Variants in LYPLA2 observed in about 807,000 individuals in gnomAD.
The protein encoded by LYPLA2 is acyl-protein thioesterase 2.
In LYPLA2, 7 loss-of-function variants were observed where a neutral mutation model predicts 30.3. That is an observed-to-expected ratio of 0.23 (90% CI 0.13 to 0.43). The LOEUF (loss-of-function observed/expected upper bound fraction) is 0.43. Ranked by LOEUF, LYPLA2 falls within the 20% of genes least tolerant of loss-of-function variation. The pLI is 1.00. For missense variants in LYPLA2, 206 were observed against 307.9 expected (o/e 0.67, Z 2.48); for synonymous variants, 112 against 118.2 (o/e 0.95, Z 0.34).
At position 23,794,662 on chromosome 1, in the gene LYPLA2, T is replaced by G. The variant is rs777359750; in HGVS notation, c.646-20T>G. On this transcript the variant is annotated intron_variant, in intron 9 of 9. Coordinates refer to ENST00000374514, the MANE Select transcript of LYPLA2 (RefSeq NM_007260.3). This position sits in a 1 kb window ranked among gnomAD's most constrained non-coding sequence, Gnocchi z 5.9. ...GCCTCCAGCCAGGTGCCTCTCGTGATCCCCTCTTAATCCCCTCAGGAGATG... is the reference window on the plus strand; with the variant it reads ...GCCTCCAGCCAGGTGCCTCTCGTGAGCCCCTCTTAATCCCCTCAGGAGATG... 1 of 1,614,170 alleles carries G rather than the reference T, an allele frequency of 6.2e-7. No individual in the cohort carries two copies. The highest frequency in any genetic ancestry group is 2.2e-5 in the East Asian group (1 of 44,872).
chr1:23,794,484 C>G lies in LYPLA2; in HGVS notation c.529C>G (p.Pro177Ala). 2 of 1,614,074 alleles carry G rather than the reference C, an allele frequency of 1.2e-6. No homozygotes were observed. The highest frequency in any genetic ancestry group is 1.7e-6 in the Non-Finnish European group (2 of 1,179,990). Residue 177 changes from proline to alanine, a missense_variant, in exon 9 of 10, where the codon CCC (proline) becomes GCC (alanine). By Grantham distance (27) the Pro-to-Ala change is conservative. Coordinates refer to ENST00000374514, the MANE Select transcript of LYPLA2 (RefSeq NM_007260.3). The surrounding 1 kb of genome is among the most constrained non-coding windows in gnomAD (Gnocchi z 5.9). ...ACTCCAGTGCCATGGGGAGCTGGAC[C>G]CCATGGTGCCCGTACGGTTTGGGGC... ...AILQCHGELD[P>A]MVPVRFGALT...
chr1:23,793,458 C>T lies in LYPLA2; in HGVS notation c.176+242C>T, dbSNP rs1638840501. 6.6e-6 allele frequency among the ~76,000 whole-genome samples: 1 copy of T among 152,198 alleles called. No individual in the cohort carries two copies. The highest frequency in any genetic ancestry group is 2.4e-5 in the African/African-American group (1 of 41,452). The stretch of plus-strand genomic sequence containing the variant: ...GAACCCACACCTCCCTTTGCCCCTT[C>T]CCCAAGTACTCACCGACTACCTGGG... On this transcript the variant is annotated intron_variant, in intron 4 of 9. Coordinates refer to ENST00000374514, the MANE Select transcript of LYPLA2 (RefSeq NM_007260.3). This position sits in a 1 kb window ranked among gnomAD's most constrained non-coding sequence, Gnocchi z 6.0.
At position 23,793,145 on chromosome 1, in the gene LYPLA2, C is replaced by T. The variant is rs1350328641; in HGVS notation, c.111-6C>T. On this transcript the variant is annotated splice_polypyrimidine_tract_variant and splice_region_variant and intron_variant, in intron 3 of 9. Coordinates refer to ENST00000374514, the MANE Select transcript of LYPLA2 (RefSeq NM_007260.3). This position sits in a 1 kb window ranked among gnomAD's most constrained non-coding sequence, Gnocchi z 6.0. ...ATCGGAGCCTTTTCTCCCGTCCCTCCTACAGGCACAGCTGGGCTGACGCCC... is the reference window on the plus strand; with the variant it reads ...ATCGGAGCCTTTTCTCCCGTCCCTCTTACAGGCACAGCTGGGCTGACGCCC... 3 of 1,613,920 alleles carry T rather than the reference C, an allele frequency of 1.9e-6. No individual in the cohort carries two copies. The highest frequency in any genetic ancestry group is 1.1e-5 in the South Asian group (1 of 91,092).
chr1:23,793,654 GCCT>G lies in LYPLA2; in HGVS notation c.177-46_177-44del. On this transcript the variant is annotated intron_variant, in intron 4 of 9. Transcript: ENST00000374514. This position sits in a 1 kb window ranked among gnomAD's most constrained non-coding sequence, Gnocchi z 6.0. ...GCCCCACTCCGGGCTCTGAGCTCTG[GCCT>G]CCTCATTCCTCCTGAGCATGATGGG... The G allele has an allele frequency of 6.3e-7, 1 of 1,590,128 alleles. No individual in the cohort carries two copies. Among genetic ancestry groups the G allele is most frequent in the Non-Finnish European group, 8.6e-7 (1 of 1,158,258 alleles).
In LYPLA2 at chr1:23,794,636, T is replaced by A; in HGVS notation, c.645+36T>A. The stretch of plus-strand genomic sequence containing the variant: ...GGACCATTTCCCACTCCCACTTCTC[T>A]GCCTCCAGCCAGGTGCCTCTCGTGA... On this transcript the variant is annotated intron_variant, in intron 9 of 9. Coordinates refer to ENST00000374514, the MANE Select transcript of LYPLA2 (RefSeq NM_007260.3). The surrounding 1 kb of genome is among the most constrained non-coding windows in gnomAD (Gnocchi z 5.9). The A allele has an allele frequency of 6.2e-7, 1 of 1,614,132 alleles. No homozygotes were observed. Among genetic ancestry groups the A allele is most frequent in the East Asian group, 2.2e-5 (1 of 44,880 alleles).
chr1:23,793,140 C>T lies in LYPLA2; in HGVS notation c.111-11C>T, dbSNP rs764518777. On this transcript the variant is annotated splice_polypyrimidine_tract_variant and intron_variant, in intron 3 of 9. Transcript: ENST00000374514. This position sits in a 1 kb window ranked among gnomAD's most constrained non-coding sequence, Gnocchi z 6.0. ...ACCACATCGGAGCCTTTTCTCCCGTCCCTCCTACAGGCACAGCTGGGCTGA... is the reference window on the plus strand; with the variant it reads ...ACCACATCGGAGCCTTTTCTCCCGTTCCTCCTACAGGCACAGCTGGGCTGA... 6.8e-6 allele frequency: 11 copies of T among 1,613,924 alleles called. No homozygotes were observed. Among genetic ancestry groups the T allele is most frequent in the Non-Finnish European group, 7.6e-6 (9 of 1,179,918 alleles).
In LYPLA2 at chr1:23,793,955, ATCC is replaced by A. The variant is rs1317892893; in HGVS notation, c.295+30_295+32del. 2 of 1,606,288 alleles carry A rather than the reference ATCC, an allele frequency of 1.2e-6. No homozygotes were observed. Among genetic ancestry groups the A allele is most frequent in the Admixed American group, 1.7e-5 (1 of 59,970 alleles). ...AGTAAGACCCCAGCCCCTCCTCCAC[ATCC>A]TCCTTCCCCTGCCCCCCAGGAAAGC... is the stretch of plus-strand genomic sequence containing the variant. On this transcript the variant is annotated intron_variant, in intron 6 of 9. Transcript: ENST00000374514. This position sits in a 1 kb window ranked among gnomAD's most constrained non-coding sequence, Gnocchi z 6.0.
chr1:23,792,765 G>C lies in LYPLA2; in HGVS notation c.78+5G>C. The stretch of plus-strand genomic sequence containing the variant: ...GCTGAGCGGGAAACGGCCGCGGTAA[G>C]GGTCCCCTTTCACCCACGGCCAGAC... On this transcript the variant is annotated splice_donor_5th_base_variant and intron_variant, in intron 2 of 9. Coordinates refer to ENST00000374514, the MANE Select transcript of LYPLA2 (RefSeq NM_007260.3). The C allele has an allele frequency of 2.5e-6, 4 of 1,611,926 alleles. No individual in the cohort carries two copies. The highest frequency in any genetic ancestry group is 3.4e-6 in the Non-Finnish European group (4 of 1,178,990).
chr1:23,791,306 G>C (rs1638786720), intron 1 of LYPLA2, 56 bp downstream of exon 1: 2 of 152,074 alleles, frequency 1.3e-5, no homozygotes, highest in African/African-American at 4.8e-5. Flanking sequence ...GGCCTCGGGA[G>C]GGTCCCGGAG....
intron 1 of LYPLA2, among the ~76,000 whole-genome samples, chr1:23,792,179 G>T (rs1638807440): frequency 6.6e-6 from 1 of 150,616 alleles, no homozygotes; most frequent in Non-Finnish European, 1.5e-5. Context: ...TGAGATGGGG[G>T]TTGGAGGCGG....
rs1570622122 is a variant in LYPLA2 at position 23,793,280 on chromosome 1, C to A, written c.176+64C>A. 4 of 1,528,104 alleles carry A rather than the reference C, an allele frequency of 2.6e-6. No individual in the cohort carries two copies. In the East Asian group the frequency reaches 9.0e-5, roughly 34 times the overall value. The allele number at this position is 1,528,104 out of a possible 1,614,324, so 94.7% of individuals were successfully genotyped here. Reference sequence around the variant, plus strand: ...GATCATCTGGGGGTGGTCCTGTCATCCCAGGCCTGTTCTCTCCTGTCAGTT... The same window carrying A: ...GATCATCTGGGGGTGGTCCTGTCATACCAGGCCTGTTCTCTCCTGTCAGTT... On this transcript the variant is annotated intron_variant, in intron 4 of 9. Coordinates refer to ENST00000374514, the MANE Select transcript of LYPLA2 (RefSeq NM_007260.3). The surrounding 1 kb of genome is among the most constrained non-coding windows in gnomAD (Gnocchi z 6.0).
At position 23,794,721 on chromosome 1, in the gene LYPLA2, C is replaced by T; in HGVS notation, c.685C>T (p.Pro229Ser). The stretch of plus-strand genomic sequence containing the variant: ...GAAGGAATTTCTTGAGAAGCTGCTG[C>T]CTCCTGTCTAACTAGTCGCTGGCCC... Reference protein sequence around the residue: ...AVKEFLEKLLPPV With the variant: ...AVKEFLEKLLSPV The change falls in exon 10 of 10, where the codon CCT becomes TCT. Residue 229 changes from proline to serine, a missense_variant. Physicochemically the swap from Pro to Ser is moderately conservative, Grantham distance 74. Coordinates refer to ENST00000374514, the MANE Select transcript of LYPLA2 (RefSeq NM_007260.3). This position sits in a 1 kb window ranked among gnomAD's most constrained non-coding sequence, Gnocchi z 5.9. 2.5e-6 allele frequency: 4 copies of T among 1,614,180 alleles called. No individual in the cohort carries two copies. Among genetic ancestry groups the T allele is most frequent in the Non-Finnish European group, 3.4e-6 (4 of 1,180,006 alleles).
At chr1:23,792,908 C>T (rs1305084339) in intron 2 of LYPLA2, 100 bp from the exon 3 acceptor site, 1 of 1,431,428 alleles carries the variant, frequency 7.0e-7, no homozygotes, top group East Asian at 2.3e-5. Context: ...TTGGCTGCTA[C>T]CTGGGTTCCC....
At position 23,794,281 on chromosome 1, in the gene LYPLA2, G is replaced by A. The variant is rs755087676; in HGVS notation, c.427G>A (p.Val143Met). The A allele has an allele frequency of 8.7e-6, 14 of 1,612,344 alleles. No individual in the cohort carries two copies. The highest frequency in any genetic ancestry group is 1.1e-5 in the South Asian group (1 of 91,028). The change falls in exon 8 of 10, where the codon GTG becomes ATG. Residue 143 changes from valine (V) to methionine (M), a missense_variant. Physicochemically the swap from Val to Met is conservative, Grantham distance 21 (BLOSUM62 1). Transcript: ENST00000374514. The surrounding 1 kb of genome is among the most constrained non-coding windows in gnomAD (Gnocchi z 5.9). ...LTCPHPLAGI[V>M]ALSCWLPLHR... ...CTGCCCCCACCCTCTGGCTGGCATC[G>A]TGGCGTTGAGCTGCTGGCTGCCTCT...
In LYPLA2 at chr1:23,794,178, GGTGA is replaced by G. The variant is rs1638870432; in HGVS notation, c.370-40_370-37del. Reference sequence around the variant, plus strand: ...GGGGGGGTAGGGGGTAGGGGTGGCCGGTGAGTGAGCTGTGCCCTCATGACCCCTC... The same window carrying G: ...GGGGGGGTAGGGGGTAGGGGTGGCCGGTGAGCTGTGCCCTCATGACCCCTC... On this transcript the variant is annotated intron_variant, in intron 7 of 9. Coordinates refer to ENST00000374514, the MANE Select transcript of LYPLA2 (RefSeq NM_007260.3). This position sits in a 1 kb window ranked among gnomAD's most constrained non-coding sequence, Gnocchi z 5.9. 1 of 1,565,820 alleles carries G rather than the reference GGTGA, an allele frequency of 6.4e-7. No individual in the cohort carries two copies. The highest frequency in any genetic ancestry group is 1.3e-5 in the African/African-American group (1 of 74,154).
rs1638914935 is a variant in LYPLA2, at chr1:23,795,415, C to T, written c.*683C>T. The T allele has an allele frequency of 9.7e-6, 2 of 206,014 alleles. No homozygotes were observed. Among genetic ancestry groups the T allele is most frequent in the South Asian group, 1.5e-4 (2 of 13,146 alleles). The allele number at this position is 206,014 out of a possible 1,614,324, so 12.8% of individuals were successfully genotyped here. On this transcript the variant is annotated 3_prime_UTR_variant, in exon 10 of 10. Coordinates refer to ENST00000374514, the MANE Select transcript of LYPLA2 (RefSeq NM_007260.3). ...CCAGCTGTCTCACCCCCACTTTGTC[C>T]CCACTCTAGAGCAGGGAGGCAGTGG...
chr1:23,792,645 C>G lies in LYPLA2; in HGVS notation c.-26-12C>G, dbSNP rs758770497. ...CTGGTTTTGCTCTTGACCGCCGCCC[C>G]GATGTATGCAGGCCCCCGCCGTGGA... On this transcript the variant is annotated splice_polypyrimidine_tract_variant and intron_variant, in intron 1 of 9. Transcript: ENST00000374514. The G allele has an allele frequency of 1.3e-6, 2 of 1,589,230 alleles. No individual in the cohort carries two copies. Among genetic ancestry groups the G allele is most frequent in the African/African-American group, 1.3e-5 (1 of 74,434 alleles).
In LYPLA2 at chr1:23,794,674, C is replaced by A; in HGVS notation, c.646-8C>A. The A allele has an allele frequency of 6.2e-7, 1 of 1,614,228 alleles. No individual in the cohort carries two copies. Among genetic ancestry groups the A allele is most frequent in the Non-Finnish European group, 8.5e-7 (1 of 1,180,042 alleles). ...GTGCCTCTCGTGATCCCCTCTTAAT[C>A]CCCTCAGGAGATGGCAGCTGTGAAG... On this transcript the variant is annotated splice_polypyrimidine_tract_variant and splice_region_variant and intron_variant, in intron 9 of 9. Coordinates refer to ENST00000374514, the MANE Select transcript of LYPLA2 (RefSeq NM_007260.3). This position sits in a 1 kb window ranked among gnomAD's most constrained non-coding sequence, Gnocchi z 5.9.
Position 23,792,765 on chromosome 1 carries a change from G to A in LYPLA2, c.78+5G>A. 1 of 1,611,926 alleles carries A rather than the reference G, an allele frequency of 6.2e-7. No homozygotes were observed. Among genetic ancestry groups the A allele is most frequent in the Non-Finnish European group, 8.5e-7 (1 of 1,178,990 alleles). On this transcript the variant is annotated splice_donor_5th_base_variant and intron_variant, in intron 2 of 9. Coordinates refer to ENST00000374514, the MANE Select transcript of LYPLA2 (RefSeq NM_007260.3). ...GCTGAGCGGGAAACGGCCGCGGTAA[G>A]GGTCCCCTTTCACCCACGGCCAGAC...
Sources: allele counts gnomAD v4.1 joint callset (sites outside exome capture counted in the v4.1 genomes callset), GRCh38; gene constraint gnomAD v4.1.1; non-coding constraint Gnocchi (gnomAD v3.1); transcripts MANE v1.5; gene names NCBI Gene and HGNC (gene_info 2026-07-23, HGNC 2026-07-21).